ANKS3: variants seen among roughly 807,000 people sequenced by gnomAD.
ANKS3 encodes the protein ankyrin repeat and sterile alpha motif domain containing 3.
A neutral mutation model predicts 80.7 loss-of-function variants in ANKS3; 62 were observed. The ratio of observed to expected loss-of-function variants is 0.77; its 90% CI spans 0.63 to 0.95. The LOEUF (loss-of-function observed/expected upper bound fraction) is 0.95, where lower values mean the gene tolerates loss of function less well. Among genes scored for constraint, ANKS3 ranks in the 40% least tolerant of loss-of-function variants. The pLI is 0.00. For synonymous variants in ANKS3, 489 were observed against 355.3 expected (o/e 1.38, Z -4.23); for missense variants, 1,150 against 883.6 (o/e 1.30, Z -3.82).
chr16:4,713,536 A>G lies in ANKS3; in HGVS notation c.709+515T>C, dbSNP rs371528968. Among the ~76,000 whole-genome samples the G allele has an allele frequency of 6.7e-4, 102 of 152,308 alleles. 1 individual carries two copies. The South Asian group carries it at 0.02, about 29-fold the overall frequency. On this transcript the variant is annotated intron_variant, in intron 7 of 17. Coordinates refer to ENST00000304283, the MANE Select transcript of ANKS3 (RefSeq NM_133450.4). ...ACACTTAGGAATAAACTTAAGTCAC[A>G]TGCAAAATGTAGATGAAGAAAAATT...
rs902838498 is a variant in ANKS3, at chr16:4,696,658, C to T, written c.*250G>A. Reference sequence around the variant, plus strand: ...CCTGCCTGGTATGGGCCAGGGCAGCCCATGAACTCTGGGCCTCACCACGAG... The same window carrying T: ...CCTGCCTGGTATGGGCCAGGGCAGCTCATGAACTCTGGGCCTCACCACGAG... On this transcript the variant is annotated 3_prime_UTR_variant, in exon 18 of 18. Coordinates refer to ENST00000304283, the MANE Select transcript of ANKS3 (RefSeq NM_133450.4). The T allele has an allele frequency of 6.0e-6, 2 of 333,288 alleles. No individual in the cohort carries two copies. The highest frequency in any genetic ancestry group is 2.1e-5 in the African/African-American group (1 of 46,814). 20.6% of individuals were successfully genotyped at this position (333,288 alleles called of 1,614,324 possible). A position where few individuals can be genotyped will look rare whatever the true frequency, so the allele number is the denominator to read the frequency against.
rs753445730 is a variant in ANKS3, at chr16:4,701,109, G to A, written c.1145C>T (p.Ser382Leu). The A allele has an allele frequency of 6.2e-7, 1 of 1,614,014 alleles. No homozygotes were observed. Among genetic ancestry groups the A allele is most frequent in the African/African-American group, 1.3e-5 (1 of 75,042 alleles). The change falls in exon 11 of 18, where the codon TCA (serine) becomes TTA (leucine). Residue 382 changes from serine to leucine, a missense_variant. Ser to Leu is a moderately radical substitution (Grantham distance 145, BLOSUM62 -2). Coordinates refer to ENST00000304283, the MANE Select transcript of ANKS3 (RefSeq NM_133450.4). ...NEDSDHACKS[S>L]ARKQAKSYMK... is the part of the protein sequence containing the mutation. The stretch of plus-strand genomic sequence containing the variant: ...GTAACTTTTAGCTTGTTTGCGAGCT[G>A]AGCTTTTACAGGCATGATCCGAGTC...
At position 4,733,830 on chromosome 16, in the gene ANKS3, G is replaced by A. The variant is rs369000206; in HGVS notation, c.-71+108C>T. The A allele has an allele frequency of 4.3e-5, 29 of 675,536 alleles. No individual in the cohort carries two copies. The East Asian group carries it at 3.0e-3, about 69-fold the overall frequency. The allele number at this position is 675,536 out of a possible 1,614,324, so 41.8% of individuals were successfully genotyped here. A position where few individuals can be genotyped will look rare whatever the true frequency, so the allele number is the denominator to read the frequency against. On this transcript the variant is annotated intron_variant, in intron 1 of 17. Transcript: ENST00000304283. ...GGTGGTAACTGTCACGCCCACAGAG[G>A]AGGTCTGTGAAAGCACCCAGGCACC...
chr16:4,711,150 C>T (rs1314917471), intron 7 of ANKS3, among the ~76,000 whole-genome samples: 1 of 135,024 alleles, frequency 7.4e-6, no homozygotes, highest in African/African-American at 2.8e-5. Context: ...GTTGCCTAGG[C>T]TGGACTGCAA....
At chr16:4,724,939 A>C (rs2081281702) in intron 5 of ANKS3, 108 bp from the exon 6 acceptor site, 1 of 840,078 alleles carries the variant, frequency 1.2e-6, no homozygotes, top group Non-Finnish European at 1.9e-6. Flanking sequence ...CCGATCCCTA[A>C]GCGTAGAACA....
At chr16:4,709,154 C>G (rs951763319) in intron 7 of ANKS3, among the ~76,000 whole-genome samples, 18 of 151,256 alleles carry the variant, frequency 1.2e-4, no homozygotes, top group African/African-American at 4.4e-4. Context: ...TGCCTGTAAT[C>G]CCAGCACTTT....
At chr16:4,730,721 G>C (rs1018470973) in intron 2 of ANKS3, among the ~76,000 whole-genome samples, 3 of 152,042 alleles carry the variant, frequency 2.0e-5, no homozygotes, top group African/African-American at 7.2e-5. Context: ...ACAAAAATTA[G>C]CTGGGCATGA....
chr16:4,732,034 T>A (rs187322986), intron 1 of ANKS3, among the ~76,000 whole-genome samples: 2 of 152,160 alleles, frequency 1.3e-5, no homozygotes, highest in Non-Finnish European at 2.9e-5. Flanking sequence ...TATTAAAGAA[T>A]GCTTCCAAGC....
chr16:4,703,546 G>A (rs1272737377), intron 8 of ANKS3, among the ~76,000 whole-genome samples: 4 of 151,182 alleles, frequency 2.6e-5, no homozygotes, highest in African/African-American at 9.7e-5. Flanking sequence ...TCAGCCTCCC[G>A]AGTAGCTGGG....
At chr16:4,723,438 T>C (rs1176545244) in intron 6 of ANKS3, among the ~76,000 whole-genome samples, 1 of 152,194 alleles carries the variant, frequency 6.6e-6, no homozygotes, top group Non-Finnish European at 1.5e-5. Flanking sequence ...TTCTTTTTCT[T>C]TTTGAGGCAG....
intron 15 of ANKS3, among the ~76,000 whole-genome samples, 168 bp from the exon 16 acceptor site, chr16:4,697,584 GCCCTTCC>G (rs1196736102): frequency 6.6e-6 from 1 of 152,154 alleles, no homozygotes; most frequent in Non-Finnish European, 1.5e-5. Context: ...GCCCTGTTGT[GCCCTTCC>G]TCCCACAGGC....
chr16:4,704,387 C>A, intron 8 of ANKS3, among the ~76,000 whole-genome samples: 1 of 152,156 alleles, frequency 6.6e-6, no homozygotes, highest in East Asian at 1.9e-4. Context: ...GCAGCCTTGG[C>A]CTGGCTATGA....
At position 4,701,550 on chromosome 16, in the gene ANKS3, G is replaced by C; in HGVS notation, c.1010-7C>G. The C allele has an allele frequency of 6.2e-7, 1 of 1,605,136 alleles. No homozygotes were observed. The highest frequency in any genetic ancestry group is 8.5e-7 in the Non-Finnish European group (1 of 1,175,398). On this transcript the variant is annotated splice_polypyrimidine_tract_variant and splice_region_variant and intron_variant, in intron 9 of 17. Transcript: ENST00000304283. ...GCACAGAAAGCATGTTCCTCTGAGG[G>C]CGGGAAGACAGGGCGTCCGCCTGCA...
At chr16:4,721,662 A>G (rs533643255) in intron 6 of ANKS3, among the ~76,000 whole-genome samples, 1 of 150,954 alleles carries the variant, frequency 6.6e-6, no homozygotes, top group African/African-American at 2.4e-5. Flanking sequence ...TTATTTAGAG[A>G]TAGTCTCACT....
At position 4,701,548 on chromosome 16, in the gene ANKS3, G is replaced by A; in HGVS notation, c.1010-5C>T. 6.2e-7 allele frequency: 1 copy of A among 1,606,250 alleles called. No homozygotes were observed. The highest frequency in any genetic ancestry group is 8.5e-7 in the Non-Finnish European group (1 of 1,175,930). ...TGGCACAGAAAGCATGTTCCTCTGA[G>A]GGCGGGAAGACAGGGCGTCCGCCTG... On this transcript the variant is annotated splice_polypyrimidine_tract_variant and splice_region_variant and intron_variant, in intron 9 of 17. Transcript: ENST00000304283.
chr16:4,725,812 A>T (rs1277696968), intron 5 of ANKS3, among the ~76,000 whole-genome samples: 1 of 152,074 alleles, frequency 6.6e-6, no homozygotes. Flanking sequence ...GGCACCTGCC[A>T]CCACGCCCAG....
At chr16:4,702,661 G>T (rs566461228) in intron 8 of ANKS3, among the ~76,000 whole-genome samples, 1 of 152,138 alleles carries the variant, frequency 6.6e-6, no homozygotes, top group African/African-American at 2.4e-5. Context: ...CGCTTAGCGG[G>T]CCTCCTCTGG....
At chr16:4,723,672 C>A (rs992489137) in intron 6 of ANKS3, among the ~76,000 whole-genome samples, 1 of 152,226 alleles carries the variant, frequency 6.6e-6, no homozygotes, top group South Asian at 2.1e-4. Context: ...TCCTGCTATA[C>A]AGATATATAT....
intron 7 of ANKS3, among the ~76,000 whole-genome samples, chr16:4,712,441 T>C (rs998043868): frequency 2.6e-5 from 4 of 152,106 alleles, no homozygotes; most frequent in Non-Finnish European, 5.9e-5. Flanking sequence ...TGAATATCCA[T>C]AGAAAAATAC....
Sources: gnomAD v4.1 joint callset for allele counts (sites outside exome capture counted in the v4.1 genomes callset) on GRCh38, gnomAD v4.1.1 for gene constraint, MANE v1.5 for transcripts, NCBI Gene and HGNC (gene_info 2026-07-23, HGNC 2026-07-21) for gene names.